ZBTB41: variants seen among roughly 807,000 people sequenced by gnomAD.
ZBTB41 encodes zinc finger and BTB domain containing 41, also known as zinc finger and BTB domain-containing protein 41.
In ZBTB41, 42 loss-of-function variants were observed where a neutral mutation model predicts 87.6. The observed-to-expected ratio is 0.48, with a 90% CI of 0.37 to 0.62. The LOEUF (loss-of-function observed/expected upper bound fraction) is 0.62. Ranked by LOEUF, ZBTB41 falls within the 20% of genes least tolerant of loss-of-function variation. The probability of loss-of-function intolerance (pLI) is 0.00; values close to 1 mark genes in which losing one functional copy is unlikely to be tolerated. For missense variants in ZBTB41, 799 were observed against 1,078.9 expected (o/e 0.74, Z 3.63); for synonymous variants, 364 against 364.0 (o/e 1.00, Z 0.00).
At chr1:197,162,542 A>G (rs1659226580) in intron 10 of ZBTB41, among the ~76,000 whole-genome samples, 1 of 152,198 alleles carries the variant, frequency 6.6e-6, no homozygotes, top group Non-Finnish European at 1.5e-5. Flanking sequence ...TTAGATATTA[A>G]AAATTGGTAT....
intron 9 of ZBTB41, among the ~76,000 whole-genome samples, chr1:197,172,525 G>C (rs920376141): frequency 4.6e-5 from 7 of 151,868 alleles, no homozygotes; most frequent in Admixed American, 2.6e-4. Context: ...ACTGCTTTAA[G>C]TCACTGAACT....
At chr1:197,168,264 G>A (rs556631861) in intron 10 of ZBTB41, among the ~76,000 whole-genome samples, 2 of 151,894 alleles carry the variant, frequency 1.3e-5, no homozygotes, top group Admixed American at 6.6e-5. Context: ...CAAATTAATG[G>A]AGGTGTTCAC....
chr1:197,166,270 C>T (rs184560014), intron 10 of ZBTB41, among the ~76,000 whole-genome samples: 126 of 151,778 alleles, frequency 8.3e-4, no homozygotes, highest in African/African-American at 2.8e-3. Context: ...AATAAATCAA[C>T]AAAGAGAAAA....
At chr1:197,177,816 G>T (rs1033712039) in intron 7 of ZBTB41, among the ~76,000 whole-genome samples, 3 of 151,980 alleles carry the variant, frequency 2.0e-5, no homozygotes, top group Non-Finnish European at 4.4e-5. Flanking sequence ...TAAAGGGGAA[G>T]TATTCAATTT....
intron 5 of ZBTB41, among the ~76,000 whole-genome samples, chr1:197,185,937 C>T (rs1214017173): frequency 6.6e-6 from 1 of 152,004 alleles, no homozygotes; most frequent in Non-Finnish European, 1.5e-5. Flanking sequence ...AATCAAAATC[C>T]CAGAAAGTCA....
rs1047313083 is a variant in ZBTB41, at chr1:197,156,339, TCAAAA to T, written c.*3015_*3019del. 3 of 152,202 alleles carry T rather than the reference TCAAAA, an allele frequency of 2.0e-5. No homozygotes were observed. The highest frequency in any genetic ancestry group is 7.2e-5 in the African/African-American group (3 of 41,412). 9.4% of individuals were successfully genotyped at this position (152,202 alleles called of 1,614,324 possible). ...ACTAAAAATCTTTGGTGCATTTAAG[TCAAAA>T]CCCATTAGATTAACACATTCCTGCA... On this transcript the variant is annotated 3_prime_UTR_variant, in exon 11 of 11. Coordinates refer to ENST00000367405, the MANE Select transcript of ZBTB41 (RefSeq NM_194314.3).
At position 197,156,557 on chromosome 1, in the gene ZBTB41, A is replaced by G. The variant is rs1382616343; in HGVS notation, c.*2802T>C. 6.6e-6 allele frequency: 1 copy of G among 152,280 alleles called. No individual in the cohort carries two copies. Among genetic ancestry groups the G allele is most frequent in the Non-Finnish European group, 1.5e-5 (1 of 67,782 alleles). 9.4% of individuals were successfully genotyped at this position (152,280 alleles called of 1,614,324 possible). A position where few individuals can be genotyped will look rare whatever the true frequency, so the allele number is the denominator to read the frequency against. On this transcript the variant is annotated 3_prime_UTR_variant, in exon 11 of 11. Transcript: ENST00000367405. ...GAGTTATAGAGCATTTGTCCAAAAT[A>G]CTCTAAATCAAATATTACAAAAGGT...
At position 197,156,543 on chromosome 1, in the gene ZBTB41, C is replaced by T. The variant is rs1161616938; in HGVS notation, c.*2816G>A. Reference sequence around the variant, plus strand: ...AAATAAATGGATTAGAGTTATAGAGCATTTGTCCAAAATACTCTAAATCAA... The same window carrying T: ...AAATAAATGGATTAGAGTTATAGAGTATTTGTCCAAAATACTCTAAATCAA... On this transcript the variant is annotated 3_prime_UTR_variant, in exon 11 of 11. Transcript: ENST00000367405. The T allele has an allele frequency of 6.6e-6, 1 of 152,186 alleles. No homozygotes were observed. Among genetic ancestry groups the T allele is most frequent in the Non-Finnish European group, 1.5e-5 (1 of 67,776 alleles). The allele number at this position is 152,186 out of a possible 1,614,324, so 9.4% of individuals were successfully genotyped here. A position where few individuals can be genotyped will look rare whatever the true frequency, so the allele number is the denominator to read the frequency against.
At chr1:197,160,153 G>A in intron 10 of ZBTB41, 139 bp from the exon 11 acceptor site, 1 of 649,064 alleles carries the variant, frequency 1.5e-6, no homozygotes, top group Non-Finnish European at 2.6e-6. Context: ...ATCACAAAAT[G>A]CAGACAGTAC....
chr1:197,190,336 C>T (rs949864727), intron 4 of ZBTB41, among the ~76,000 whole-genome samples: 1 of 152,106 alleles, frequency 6.6e-6, no homozygotes, highest in African/African-American at 2.4e-5. Flanking sequence ...CTAGCAAATC[C>T]CTGCCCCAAA....
intron 10 of ZBTB41, among the ~76,000 whole-genome samples, chr1:197,164,699 C>T (rs1371448114): frequency 7.7e-6 from 1 of 130,046 alleles, no homozygotes. Context: ...ATATATAATA[C>T]GTATCTAATA....
chr1:197,189,541 T>C (rs1040178221), intron 4 of ZBTB41, among the ~76,000 whole-genome samples: 3 of 150,000 alleles, frequency 2.0e-5, no homozygotes, highest in Non-Finnish European at 4.5e-5. Context: ...AAAAAAAAAA[T>C]TAATGTAAAT....
intron 10 of ZBTB41, among the ~76,000 whole-genome samples, chr1:197,165,452 G>A (rs899035017): frequency 1.3e-5 from 2 of 151,384 alleles, no homozygotes; most frequent in Non-Finnish European, 1.5e-5. Context: ...TACTAAAAAT[G>A]CAAAAAAATT....
chr1:197,193,897 T>C (rs1289139875), intron 2 of ZBTB41, among the ~76,000 whole-genome samples: 1 of 152,244 alleles, frequency 6.6e-6, no homozygotes, highest in Non-Finnish European at 1.5e-5. Context: ...GATTTTTTAA[T>C]AACTAAACTT....
chr1:197,199,486 CATT>C lies in ZBTB41; in HGVS notation c.985_987del (p.Asn329del), dbSNP rs746380737. On this transcript the variant is annotated inframe_deletion, in exon 2 of 11. Coordinates refer to ENST00000367405, the MANE Select transcript of ZBTB41 (RefSeq NM_194314.3). ...CCAGCCTCAGGTTCTTCTTCTGCATCATTATGATCCTTTTCACTTTGTTCTTCA... is the reference window on the plus strand; with the variant it reads ...CCAGCCTCAGGTTCTTCTTCTGCATCATGATCCTTTTCACTTTGTTCTTCA... 11 of 1,612,972 alleles carry C rather than the reference CATT, an allele frequency of 6.8e-6. No individual in the cohort carries two copies. Among genetic ancestry groups the C allele is most frequent in the Non-Finnish European group, 8.5e-6 (10 of 1,179,774 alleles).
chr1:197,188,519 A>T, intron 4 of ZBTB41, 80 bp from the exon 5 acceptor site: 3 of 1,282,754 alleles, frequency 2.3e-6, no homozygotes, highest in Non-Finnish European at 3.1e-6. Context: ...GAAGAAAACC[A>T]TATAAATTCA....
intron 2 of ZBTB41, among the ~76,000 whole-genome samples, chr1:197,192,267 C>T (rs916526633): frequency 4.6e-5 from 7 of 152,066 alleles, no homozygotes; most frequent in African/African-American, 1.4e-4. Context: ...AAGATCAATT[C>T]ATCATTTAAG....
At chr1:197,162,156 G>C (rs909551160) in intron 10 of ZBTB41, among the ~76,000 whole-genome samples, 1 of 151,784 alleles carries the variant, frequency 6.6e-6, no homozygotes, top group Non-Finnish European at 1.5e-5. Flanking sequence ...AATCAATTTA[G>C]GTTTCTAAAA....
chr1:197,176,135 A>G (rs926761806), intron 8 of ZBTB41: 3 of 161,158 alleles, frequency 1.9e-5, no homozygotes, highest in Admixed American at 1.2e-4. Flanking sequence ...ATTCACTATA[A>G]TATACACTTT....
Sources: gnomAD v4.1 joint callset for allele counts (sites outside exome capture counted in the v4.1 genomes callset) on GRCh38, gnomAD v4.1.1 for gene constraint, MANE v1.5 for transcripts, NCBI Gene and HGNC (gene_info 2026-07-23, HGNC 2026-07-21) for gene names.